STAU2: variants seen among roughly 807,000 people sequenced by gnomAD.
STAU2 encodes double-stranded RNA-binding protein Staufen homolog 2.
Under a neutral mutation model 65.9 loss-of-function variants are expected in STAU2, and 20 were observed. That is an observed-to-expected ratio of 0.30 (90% CI 0.21 to 0.44). The LOEUF (loss-of-function observed/expected upper bound fraction) is 0.44, where lower values mean the gene tolerates loss of function less well. Ranked by LOEUF, STAU2 falls within the 20% of genes least tolerant of loss-of-function variation. The probability of loss-of-function intolerance (pLI) is 1.00; values close to 1 mark genes in which losing one functional copy is unlikely to be tolerated. For synonymous variants in STAU2, 232 were observed against 233.9 expected (o/e 0.99, Z 0.07); for missense variants, 558 against 683.9 (o/e 0.82, Z 2.05).
chr8:73,512,621 T>G (rs986264179), intron 13 of STAU2, among the ~76,000 whole-genome samples: 2 of 152,134 alleles, frequency 1.3e-5, no homozygotes, highest in Non-Finnish European at 2.9e-5. Context: ...TAACTGAACT[T>G]GTTTATCAGT....
At chr8:73,734,936 C>T (rs1197664236) in intron 3 of STAU2, among the ~76,000 whole-genome samples, 1 of 152,072 alleles carries the variant, frequency 6.6e-6, no homozygotes, top group African/African-American at 2.4e-5. Flanking sequence ...TGAGAATCAA[C>T]TTAAATCCCC....
intron 13 of STAU2, among the ~76,000 whole-genome samples, chr8:73,431,623 A>G (rs1333074197): frequency 6.6e-6 from 1 of 152,224 alleles, no homozygotes; most frequent in Non-Finnish European, 1.5e-5. Flanking sequence ...AAAGCCCCAC[A>G]GGTTTTAGAA....
intron 12 of STAU2, among the ~76,000 whole-genome samples, chr8:73,555,299 T>C (rs1483713358): frequency 6.7e-6 from 1 of 149,554 alleles, no homozygotes; most frequent in African/African-American, 2.5e-5. Flanking sequence ...GTTTGTGTTC[T>C]AGGAAACCTC....
intron 11 of STAU2, among the ~76,000 whole-genome samples, chr8:73,584,156 T>C (rs1810199084): frequency 6.6e-6 from 1 of 152,158 alleles, no homozygotes; most frequent in Admixed American, 6.5e-5. Flanking sequence ...GTTGACAGTA[T>C]GTTAGAAACA....
Position 73,595,249 on chromosome 8 carries a change from T to A in STAU2, c.1078A>T (p.Ile360Leu). 2 of 1,612,416 alleles carry A rather than the reference T, an allele frequency of 1.2e-6. No individual in the cohort carries two copies. Among genetic ancestry groups the A allele is most frequent in the Non-Finnish European group, 1.7e-6 (2 of 1,179,378 alleles). The change falls in exon 11 of 15, where the codon ATA becomes TTA. Residue 360 changes from isoleucine (I) to leucine (L), a missense_variant. By Grantham distance (5) the Ile-to-Leu change is conservative. This residue lies in a region of STAU2 where 247 missense variants were observed against 270.1 expected (regional missense o/e 0.91). Transcript: ENST00000524300. ...GCTTCTGCAGCATTTTTTTTGGCTA[T>A]CTTTTTATTAGGTCCTGTTCCTGTA... ...VATGTGPNKK[I>L]AKKNAAEAML...
At chr8:73,580,750 G>A (rs1809919088) in intron 12 of STAU2, among the ~76,000 whole-genome samples, 1 of 152,130 alleles carries the variant, frequency 6.6e-6, no homozygotes, top group Non-Finnish European at 1.5e-5. Context: ...TAACCCTTGG[G>A]GAATGAAACA....
At chr8:73,598,591 C>T (rs191489472) in intron 10 of STAU2, among the ~76,000 whole-genome samples, 205 of 152,222 alleles carry the variant, frequency 1.3e-3, no homozygotes, top group South Asian at 3.9e-3. Context: ...CCTCAGGAAA[C>T]ACTGTACTTA....
chr8:73,471,815 A>G (rs1247073758), intron 13 of STAU2, among the ~76,000 whole-genome samples: 1 of 133,506 alleles, frequency 7.5e-6, no homozygotes, highest in African/African-American at 2.9e-5. Flanking sequence ...CGAGACTCCA[A>G]CTAAAAAAAA....
chr8:73,667,039 A>C (rs1209605209), intron 6 of STAU2, among the ~76,000 whole-genome samples: 1 of 152,150 alleles, frequency 6.6e-6, no homozygotes, highest in African/African-American at 2.4e-5. Flanking sequence ...CTTTCCAAAA[A>C]CCTGCTCCAA....
At chr8:73,632,249 TAA>T (rs1814151437) in intron 6 of STAU2, among the ~76,000 whole-genome samples, 1 of 151,864 alleles carries the variant, frequency 6.6e-6, no homozygotes, top group Non-Finnish European at 1.5e-5. Flanking sequence ...AAACAACTAT[TAA>T]GTTCAGTACA....
intron 1 of STAU2, among the ~76,000 whole-genome samples, chr8:73,741,065 G>A (rs1163625880): frequency 2.7e-5 from 4 of 150,130 alleles, no homozygotes; most frequent in African/African-American, 9.8e-5. Context: ...CAGCACTTTG[G>A]GAGGCAGAGG....
chr8:73,676,430 T>G (rs1249716599), intron 5 of STAU2, among the ~76,000 whole-genome samples: 1 of 152,158 alleles, frequency 6.6e-6, no homozygotes, highest in African/African-American at 2.4e-5. Context: ...AGACTGTAGA[T>G]CTAAACTGTA....
intron 13 of STAU2, among the ~76,000 whole-genome samples, chr8:73,432,810 T>C (rs1299905188): frequency 6.6e-6 from 1 of 152,140 alleles, no homozygotes; most frequent in Non-Finnish European, 1.5e-5. Flanking sequence ...GGCTTACCCT[T>C]GGAACAAAGG....
At chr8:73,624,850 T>G (rs1813523462) in intron 6 of STAU2, among the ~76,000 whole-genome samples, 1 of 152,210 alleles carries the variant, frequency 6.6e-6, no homozygotes, top group African/African-American at 2.4e-5. Flanking sequence ...AAAAGTCAGG[T>G]GCAGGATATC....
intron 6 of STAU2, 28 bp from the exon 7 acceptor site, chr8:73,617,479 G>C (rs1026168902): frequency 3.7e-6 from 6 of 1,601,432 alleles, no homozygotes; most frequent in Non-Finnish European, 5.1e-6. Context: ...AAACATTAAA[G>C]TTAGCTTAAT....
At chr8:73,571,638 T>G (rs80108587) in intron 12 of STAU2, among the ~76,000 whole-genome samples, 15,191 of 152,228 alleles carry the variant, frequency 0.1, 1,170 homozygotes, top group East Asian at 0.44. Flanking sequence ...AACCTGCTGC[T>G]GAATGACTAC....
chr8:73,527,236 C>T (rs1805505806), intron 13 of STAU2: 1 of 156,732 alleles, frequency 6.4e-6, no homozygotes, highest in Non-Finnish European at 1.4e-5. Context: ...GCTTGCACAG[C>T]AACAAAATCA....
chr8:73,551,945 T>C, intron 13 of STAU2, 67 bp downstream of exon 13: 1 of 1,501,146 alleles, frequency 6.7e-7, no homozygotes, highest in African/African-American at 1.4e-5. Flanking sequence ...AGCCTTGTGA[T>C]GTATACAGAT....
intron 3 of STAU2, among the ~76,000 whole-genome samples, chr8:73,719,991 T>C (rs890017500): frequency 2.0e-5 from 3 of 152,208 alleles, no homozygotes; most frequent in African/African-American, 2.4e-5. Context: ...TATAAAAAGC[T>C]ACTCAGGGCT....
Sources: gnomAD v4.1 joint callset for allele counts (sites outside exome capture counted in the v4.1 genomes callset) on GRCh38, gnomAD v4.1.1 for gene constraint, gnomAD v4.1.1 regional missense constraint, MANE v1.5 for transcripts, NCBI Gene and HGNC (gene_info 2026-07-23, HGNC 2026-07-21) for gene names.